The following LRP1B variants were observed in gnomAD, a reference collection of about 807,000 sequenced individuals.
LRP1B encodes the protein LDL receptor related protein 1B.
Under a neutral mutation model 556.6 loss-of-function variants are expected in LRP1B, and 217 were observed. The ratio of observed to expected loss-of-function variants is 0.39; its 90% CI spans 0.35 to 0.44. The LOEUF (loss-of-function observed/expected upper bound fraction) is 0.44, where lower values mean the gene tolerates loss of function less well. Ranked by LOEUF, LRP1B falls within the 20% of genes least tolerant of loss-of-function variation. The pLI is 1.00. For missense variants in LRP1B, 5,053 were observed against 5,620.8 expected (o/e 0.90, Z 3.23); for synonymous variants, 2,047 against 1,865.8 (o/e 1.10, Z -2.50).
At chr2:140,266,970 A>G (rs1465740570) in intron 86 of LRP1B, among the ~76,000 whole-genome samples, 1 of 152,108 alleles carries the variant, frequency 6.6e-6, no homozygotes, top group Non-Finnish European at 1.5e-5. Context: ...AGTTATAACC[A>G]GGGTACGCAC....
chr2:141,022,247 T>C (rs1225389998), intron 11 of LRP1B, among the ~76,000 whole-genome samples: 1 of 151,754 alleles, frequency 6.6e-6, no homozygotes, highest in Admixed American at 6.6e-5. Flanking sequence ...ATAAAGGAAT[T>C]AGCCTAGATT....
chr2:141,246,056 T>C (rs1322727788), intron 5 of LRP1B, among the ~76,000 whole-genome samples: 2 of 152,172 alleles, frequency 1.3e-5, no homozygotes, highest in African/African-American at 2.4e-5. Flanking sequence ...GTGATAAATA[T>C]ATATAAATGA....
intron 1 of LRP1B, among the ~76,000 whole-genome samples, chr2:142,035,838 C>T (rs1703857888): frequency 6.6e-6 from 1 of 151,642 alleles, no homozygotes; most frequent in Admixed American, 6.6e-5. Context: ...AGAATTCCCA[C>T]GTGTGATGGG....
chr2:141,011,302 CAA>C (rs776741739), intron 14 of LRP1B, among the ~76,000 whole-genome samples: 3 of 151,104 alleles, frequency 2.0e-5, no homozygotes, highest in Non-Finnish European at 4.4e-5. Context: ...TCAAAAGATG[CAA>C]AGAGTAACAC....
chr2:140,452,961 GTT>G (rs5834746), intron 62 of LRP1B, among the ~76,000 whole-genome samples: 6 of 126,672 alleles, frequency 4.7e-5, no homozygotes, highest in African/African-American at 1.2e-4. Flanking sequence ...GTGTGTGTGT[GTT>G]TTTTTTTTTT....
At chr2:140,741,816 T>C (rs1300272951) in intron 35 of LRP1B, among the ~76,000 whole-genome samples, 1 of 152,174 alleles carries the variant, frequency 6.6e-6, no homozygotes, top group Non-Finnish European at 1.5e-5. Context: ...TGTATCTATA[T>C]GTGCTCAATG....
chr2:140,576,195 G>A (rs115499171), intron 43 of LRP1B, among the ~76,000 whole-genome samples: 1,617 of 152,166 alleles, frequency 0.011, 23 homozygotes, highest in Non-Finnish European at 0.012. Flanking sequence ...TCAAGCATTC[G>A]TGATACTAGC....
chr2:141,719,945 T>C (rs1382364509), intron 2 of LRP1B, among the ~76,000 whole-genome samples: 1 of 152,098 alleles, frequency 6.6e-6, no homozygotes, highest in Non-Finnish European at 1.5e-5. Context: ...ATCCTCAGCA[T>C]CATGAAATAT....
At chr2:140,351,084 T>A in intron 76 of LRP1B, 46 bp from the exon 77 acceptor site, 1 of 1,247,556 alleles carries the variant, frequency 8.0e-7, no homozygotes, top group Non-Finnish European at 1.1e-6. Context: ...AAATTTCAAC[T>A]AATGTTAAAA....
At chr2:141,519,391 AT>A (rs1684451415) in intron 2 of LRP1B, among the ~76,000 whole-genome samples, 1 of 22,782 alleles carries the variant, frequency 4.4e-5, no homozygotes, top group Non-Finnish European at 9.5e-5. Context: ...ATATATATAT[AT>A]ATATATATAT....
At chr2:140,494,582 G>A (rs1480997884) in intron 56 of LRP1B, among the ~76,000 whole-genome samples, 1 of 146,654 alleles carries the variant, frequency 6.8e-6, no homozygotes, top group African/African-American at 2.5e-5. Flanking sequence ...ACTCCAGCCT[G>A]GGTGACAGAG....
chr2:140,695,728 C>A (rs1021866332), intron 41 of LRP1B, among the ~76,000 whole-genome samples: 1 of 152,146 alleles, frequency 6.6e-6, no homozygotes, highest in African/African-American at 2.4e-5. Context: ...CTTGATTCTT[C>A]ATAGGAAAAG....
intron 62 of LRP1B, among the ~76,000 whole-genome samples, chr2:140,454,978 G>C (rs1687036988): frequency 6.6e-6 from 1 of 152,132 alleles, no homozygotes; most frequent in Non-Finnish European, 1.5e-5. Flanking sequence ...GGCCTCAGCA[G>C]ACTGATATAT....
chr2:140,548,675 C>A (rs1415015699), intron 43 of LRP1B, among the ~76,000 whole-genome samples: 2 of 152,040 alleles, frequency 1.3e-5, no homozygotes, highest in Non-Finnish European at 2.9e-5. Context: ...GTAATCCAAG[C>A]ATTTTAGGAG....
chr2:140,569,228 G>T (rs1167501211), intron 43 of LRP1B, among the ~76,000 whole-genome samples: 1 of 151,856 alleles, frequency 6.6e-6, no homozygotes, highest in Admixed American at 6.6e-5. Flanking sequence ...TAATAACCTC[G>T]AATGAAAATG....
chr2:141,593,895 T>C (rs933857581), intron 2 of LRP1B, among the ~76,000 whole-genome samples: 1 of 152,122 alleles, frequency 6.6e-6, no homozygotes, highest in African/African-American at 2.4e-5. Flanking sequence ...TCATCAGCTG[T>C]CATTAGCTTG....
At chr2:140,547,643 TTATGTAATATAGG>T (rs1680392450) in intron 43 of LRP1B, among the ~76,000 whole-genome samples, 2 of 152,066 alleles carry the variant, frequency 1.3e-5, no homozygotes, top group Non-Finnish European at 1.5e-5. Context: ...TGCCTTCCTG[TTATGTAATATAGG>T]AAGTAATTCC....
At chr2:141,274,568 T>C (rs1685211873) in intron 3 of LRP1B, among the ~76,000 whole-genome samples, 1 of 152,008 alleles carries the variant, frequency 6.6e-6, no homozygotes, top group Non-Finnish European at 1.5e-5. Flanking sequence ...AAATGAGGAG[T>C]GACTGCTAAT....
chr2:141,059,348 G>C (rs940699335), intron 8 of LRP1B, among the ~76,000 whole-genome samples: 1 of 151,708 alleles, frequency 6.6e-6, no homozygotes, highest in African/African-American at 2.4e-5. Flanking sequence ...GTGAGAGCAA[G>C]ACTTTCAAGC....
Sources: gnomAD v4.1 joint callset for allele counts (sites outside exome capture counted in the v4.1 genomes callset) on GRCh38, gnomAD v4.1.1 for gene constraint, MANE v1.5 for transcripts, NCBI Gene and HGNC (gene_info 2026-07-23, HGNC 2026-07-21) for gene names.